The following KIAA1217 variants were observed in gnomAD, a reference collection of about 807,000 sequenced individuals.
KIAA1217 encodes the protein KIAA1217.
KIAA1217 carries 88 observed loss-of-function variants against 163.9 expected under a neutral mutation model. The ratio of observed to expected loss-of-function variants is 0.54; its 90% CI spans 0.45 to 0.64. KIAA1217 has a LOEUF of 0.64. KIAA1217 is among the 30% of genes least tolerant of loss of function. The pLI is 0.00. For synonymous variants in KIAA1217, 903 were observed against 923.1 expected (o/e 0.98, Z 0.39); for missense variants, 2,372 against 2,475.0 (o/e 0.96, Z 0.88).
At chr10:23,988,825 G>T (rs1846092233) in intron 1 of KIAA1217, among the ~76,000 whole-genome samples, 1 of 151,794 alleles carries the variant, frequency 6.6e-6, no homozygotes, top group Non-Finnish European at 1.5e-5. Context: ...TTGGGAAAAT[G>T]ACATTGACTT....
intron 2 of KIAA1217, among the ~76,000 whole-genome samples, chr10:24,190,174 A>G (rs941755198): frequency 1.3e-5 from 2 of 152,040 alleles, no homozygotes; most frequent in African/African-American, 4.8e-5. Flanking sequence ...AAGGCAAGAT[A>G]CCTGTCACTT....
rs377461981 is a variant in KIAA1217 at position 23,824,843 on chromosome 10, C to T, written c.-321+129609C>T. 2.0e-5 allele frequency among the ~76,000 whole-genome samples: 3 copies of T among 151,458 alleles called. No homozygotes were observed. In the South Asian group the frequency reaches 6.3e-4, roughly 32 times the overall value. On this transcript the variant is annotated intron_variant, in intron 1 of 18. Coordinates refer to the KIAA1217 transcript ENST00000376462. ...ATTCTCTAATTTTCCTAAGACAGCT[C>T]CAGATTACGCTAATTATCCTGGCAT...
At chr10:23,758,756 G>C (rs1431339522) in intron 1 of KIAA1217, among the ~76,000 whole-genome samples, 2 of 136,612 alleles carry the variant, frequency 1.5e-5, no homozygotes, top group Non-Finnish European at 3.1e-5. Context: ...GCGTGATCTT[G>C]GCTCATTGCA....
chr10:24,468,935 A>G (rs1280869553), intron 5 of KIAA1217, among the ~76,000 whole-genome samples: 1 of 152,168 alleles, frequency 6.6e-6, no homozygotes, highest in Non-Finnish European at 1.5e-5. Flanking sequence ...GGTTATTTAT[A>G]TATCTCCTAA....
intron 1 of KIAA1217, among the ~76,000 whole-genome samples, chr10:23,921,409 T>G (rs1180927936): frequency 6.6e-6 from 1 of 152,180 alleles, no homozygotes; most frequent in Non-Finnish European, 1.5e-5. Flanking sequence ...TCCATCTGCT[T>G]GAATAATTTA....
chr10:24,251,826 C>T (rs2131531219), intron 2 of KIAA1217, among the ~76,000 whole-genome samples: 1 of 141,028 alleles, frequency 7.1e-6, no homozygotes, highest in African/African-American at 2.7e-5. Context: ...TGGGACAAGT[C>T]ACTTGGTCCA....
At chr10:23,980,789 A>C (rs897538546) in intron 1 of KIAA1217, among the ~76,000 whole-genome samples, 2 of 152,154 alleles carry the variant, frequency 1.3e-5, no homozygotes, top group Admixed American at 6.5e-5. Context: ...CGTTCAGCTC[A>C]ATCTGTTATC....
intron 2 of KIAA1217, among the ~76,000 whole-genome samples, chr10:24,172,182 A>C (rs900926935): frequency 4.6e-5 from 7 of 152,232 alleles, no homozygotes; most frequent in Non-Finnish European, 1.0e-4. Flanking sequence ...TTGAGACAGC[A>C]ACCATTTAAA....
intron 2 of KIAA1217, among the ~76,000 whole-genome samples, chr10:24,186,276 T>C (rs953676131): frequency 2.6e-5 from 4 of 152,160 alleles, no homozygotes; most frequent in Non-Finnish European, 4.4e-5. Context: ...TTCCTGAGCA[T>C]TTAAATTTGA....
At chr10:24,138,097 G>A (rs767346881) in intron 2 of KIAA1217, among the ~76,000 whole-genome samples, 22 of 152,112 alleles carry the variant, frequency 1.4e-4, no homozygotes, top group South Asian at 1.0e-3. Flanking sequence ...AGTATTATGC[G>A]TAGTTTTCTT....
chr10:24,502,002 G>A (rs7068578), intron 9 of KIAA1217, among the ~76,000 whole-genome samples: 45,177 of 151,684 alleles, frequency 0.3, 7,038 homozygotes, highest in Middle Eastern at 0.4. Flanking sequence ...ACCTGCCTCG[G>A]CCTCCCAAAG....
chr10:24,108,830 G>T (rs1366761518), intron 2 of KIAA1217, among the ~76,000 whole-genome samples: 2 of 152,154 alleles, frequency 1.3e-5, no homozygotes, highest in African/African-American at 2.4e-5. Context: ...TCAAAACTTT[G>T]TTTTGTTTTG....
At chr10:23,752,145 A>G in intron 1 of KIAA1217, among the ~76,000 whole-genome samples, 1 of 152,194 alleles carries the variant, frequency 6.6e-6, no homozygotes, top group Middle Eastern at 3.2e-3. Flanking sequence ...TAACTCAAGT[A>G]ATTTTCATAA....
chr10:24,543,466 A>T lies in KIAA1217; in HGVS notation c.4196A>T (p.Glu1399Val). The change falls in exon 19 of 21, where the codon GAG becomes GTG. Residue 1399 changes from glutamate (E) to valine (V), a missense_variant. Glu to Val is a moderately radical substitution (Grantham distance 121, BLOSUM62 -2). Coordinates refer to ENST00000376454, the MANE Select transcript of KIAA1217 (RefSeq NM_019590.5). ...ACTGTCCAGGTTCTTTCCAGTGGGG[A>T]GGTGCATGATATTGTTAGCCAAAAG... ...ETTVQVLSSGEVHDIVSQKGE... is the reference protein window; with the variant it reads ...ETTVQVLSSGVVHDIVSQKGE... The T allele has an allele frequency of 6.2e-7, 1 of 1,614,118 alleles. No individual in the cohort carries two copies.
In KIAA1217 at chr10:24,140,125, C is replaced by T. The variant is rs12262071; in HGVS notation, c.-170-79501C>T. Among the ~76,000 whole-genome samples, 495 of 151,670 alleles carry T rather than the reference C, an allele frequency of 3.3e-3. 1 individual carries two copies. Among genetic ancestry groups the T allele is most frequent in the African/African-American group, 0.011 (458 of 41,408 alleles). On this transcript the variant is annotated intron_variant, in intron 2 of 18. Coordinates refer to the KIAA1217 transcript ENST00000376462. ...CTGTAATCCCAGCACTTTGGGAGGC[C>T]GAGGCGGGTGGATCACGAGGTCAGG...
intron 2 of KIAA1217, among the ~76,000 whole-genome samples, chr10:24,330,772 A>G (rs985997702): frequency 1.3e-5 from 2 of 151,218 alleles, no homozygotes; most frequent in Admixed American, 6.6e-5. Context: ...ATGCCACCAC[A>G]CCAGGCTAAT....
intron 2 of KIAA1217, among the ~76,000 whole-genome samples, chr10:24,192,041 A>G (rs918379359): frequency 6.6e-6 from 1 of 152,168 alleles, no homozygotes; most frequent in Non-Finnish European, 1.5e-5. Flanking sequence ...ACTGCTCCCA[A>G]CCACGGATTT....
rs192744305 is a variant in KIAA1217 at position 24,192,238 on chromosome 10, G to T, written c.-170-27388G>T. ...GTGATCTAATGGTAATGAACTTAGG[G>T]ACTCAGCGATGATTCTTTGTTCAGA... On this transcript the variant is annotated intron_variant, in intron 2 of 18. Transcript: ENST00000376462. 1.1e-4 allele frequency among the ~76,000 whole-genome samples: 16 copies of T among 152,288 alleles called. No individual in the cohort carries two copies. The East Asian group carries it at 3.1e-3, about 29-fold the overall frequency.
chr10:23,725,194 T>G (rs1368715413), intron 1 of KIAA1217, among the ~76,000 whole-genome samples: 2 of 152,228 alleles, frequency 1.3e-5, no homozygotes, highest in Non-Finnish European at 1.5e-5. Context: ...CACCCTGGTA[T>G]AGTTGGCTCA....
Sources: allele counts gnomAD v4.1 joint callset (sites outside exome capture counted in the v4.1 genomes callset), GRCh38; gene constraint gnomAD v4.1.1; transcripts MANE v1.5; gene names NCBI Gene and HGNC (gene_info 2026-07-23, HGNC 2026-07-21).